The following MAP2 variants were observed in gnomAD, a reference collection of about 807,000 sequenced individuals.
MAP2 encodes the protein microtubule-associated protein 2.
In MAP2, 14 loss-of-function variants were observed where a neutral mutation model predicts 137.6. The observed-to-expected ratio is 0.10, with a 90% CI of 0.07 to 0.16. The LOEUF (loss-of-function observed/expected upper bound fraction) is 0.16, where lower values mean the gene tolerates loss of function less well. Among genes scored for constraint, MAP2 ranks in the 10% least tolerant of loss-of-function variants. MAP2 has a pLI of 1.00. For missense variants in MAP2, 2,088 were observed against 2,191.5 expected (o/e 0.95, Z 0.94); for synonymous variants, 786 against 782.3 (o/e 1.00, Z -0.08).
chr2:209,443,366 A>G (rs1574973726), intron 1 of MAP2, among the ~76,000 whole-genome samples: 2 of 151,622 alleles, frequency 1.3e-5, no homozygotes, highest in African/African-American at 2.4e-5. Flanking sequence ...AGTGCCTGGC[A>G]TATACTATGT....
chr2:209,686,889 G>A (rs1325333307), intron 7 of MAP2, among the ~76,000 whole-genome samples: 1 of 152,118 alleles, frequency 6.6e-6, no homozygotes, highest in Non-Finnish European at 1.5e-5. Context: ...CGACTCTGCA[G>A]AAATTTTTAG....
intron 1 of MAP2, among the ~76,000 whole-genome samples, chr2:209,472,049 C>G (rs1575602641): frequency 5.9e-5 from 9 of 152,166 alleles, no homozygotes; most frequent in Middle Eastern, 3.4e-3. Context: ...TTATGAACAG[C>G]TGACAATTAC....
Position 209,694,994 on chromosome 2 carries a change from G to T in MAP2, c.2824G>T (p.Asp942Tyr). Residue 942 changes from aspartate (D) to tyrosine (Y), a missense_variant, in exon 8 of 16, where the codon GAC (aspartate) becomes TAC (tyrosine). By Grantham distance (160) the Asp-to-Tyr change is radical. Coordinates refer to ENST00000682079, the MANE Select transcript of MAP2 (RefSeq NM_001375505.1). ...AGAAGCATCCGCGCATATCTCTGGTGACAAATCAGGACTGAGTAAGGAGTT... is the reference window on the plus strand; with the variant it reads ...AGAAGCATCCGCGCATATCTCTGGTTACAAATCAGGACTGAGTAAGGAGTT... ...DKEASAHISG[D>Y]KSGLSKEFDQ... 1 of 1,614,138 alleles carries T rather than the reference G, an allele frequency of 6.2e-7. No individual in the cohort carries two copies. Among genetic ancestry groups the T allele is most frequent in the South Asian group, 1.1e-5 (1 of 91,054 alleles).
At chr2:209,504,098 GAAAAAAA>G (rs770236091) in intron 1 of MAP2, among the ~76,000 whole-genome samples, 1 of 134,000 alleles carries the variant, frequency 7.5e-6, no homozygotes, top group African/African-American at 2.8e-5. Flanking sequence ...CCTGTCTCTG[GAAAAAAA>G]AAAAAAAAGA....
intron 1 of MAP2, among the ~76,000 whole-genome samples, chr2:209,447,894 C>G (rs772513849): frequency 6.6e-6 from 1 of 152,082 alleles, no homozygotes; most frequent in Non-Finnish European, 1.5e-5. Flanking sequence ...GTGGTTAACT[C>G]ATAACTTAAA....
intron 14 of MAP2, among the ~76,000 whole-genome samples, chr2:209,728,923 G>C (rs938650028): frequency 2.0e-5 from 3 of 152,214 alleles, no homozygotes; most frequent in African/African-American, 7.2e-5. Flanking sequence ...CTCTTAGGTG[G>C]TGATGAGCAA....
At chr2:209,605,789 A>C (rs911845262) in intron 3 of MAP2, among the ~76,000 whole-genome samples, 1 of 152,186 alleles carries the variant, frequency 6.6e-6, no homozygotes, top group Admixed American at 6.5e-5. Context: ...CGGCCTAACC[A>C]TGCCAGATCT....
intron 14 of MAP2, among the ~76,000 whole-genome samples, chr2:209,728,696 A>G (rs888226363): frequency 2.0e-5 from 3 of 152,154 alleles, no homozygotes; most frequent in Non-Finnish European, 4.4e-5. Context: ...AAAATTGCAA[A>G]ATCTCTTTCA....
intron 1 of MAP2, among the ~76,000 whole-genome samples, chr2:209,502,694 C>G (rs1459767243): frequency 6.6e-6 from 1 of 152,174 alleles, no homozygotes; most frequent in African/African-American, 2.4e-5. Flanking sequence ...TACCAATTTA[C>G]ATTCCCATCA....
intron 3 of MAP2, among the ~76,000 whole-genome samples, chr2:209,606,915 A>G (rs892381916): frequency 4.6e-5 from 7 of 152,204 alleles, no homozygotes; most frequent in African/African-American, 1.7e-4. Context: ...AGCATTAATG[A>G]TATTAAATAT....
chr2:209,668,520 A>G (rs1437647709), intron 5 of MAP2, among the ~76,000 whole-genome samples: 1 of 152,074 alleles, frequency 6.6e-6, no homozygotes, highest in Non-Finnish European at 1.5e-5. Flanking sequence ...ATCAATACAG[A>G]GTCTAAAAGA....
intron 2 of MAP2, among the ~76,000 whole-genome samples, chr2:209,528,789 TATATGTAC>T (rs1270852015): frequency 3.4e-5 from 5 of 148,214 alleles, no homozygotes; most frequent in African/African-American, 1.0e-4. Context: ...TATGTATGTA[TATATGTAC>T]ATGTACATAT....
chr2:209,725,889 T>A, intron 14 of MAP2, 99 bp downstream of exon 14: 2 of 639,592 alleles, frequency 3.1e-6, no homozygotes, highest in Non-Finnish European at 2.6e-6. Flanking sequence ...ATTGGAAGGA[T>A]GTTTTAAAAT....
intron 1 of MAP2, among the ~76,000 whole-genome samples, chr2:209,468,507 A>G (rs982593877): frequency 6.6e-6 from 1 of 151,534 alleles, no homozygotes; most frequent in African/African-American, 2.4e-5. Context: ...TTTTTAGTAC[A>G]GACGAGGTTT....
At chr2:209,488,460 G>C (rs917735342) in intron 1 of MAP2, among the ~76,000 whole-genome samples, 5 of 152,302 alleles carry the variant, frequency 3.3e-5, no homozygotes, top group Admixed American at 3.3e-4. Context: ...CTGGAAAGGG[G>C]GGCTGAAGCC....
intron 2 of MAP2, among the ~76,000 whole-genome samples, chr2:209,515,998 T>A (rs1028446334): frequency 6.6e-6 from 1 of 152,038 alleles, no homozygotes; most frequent in African/African-American, 2.4e-5. Flanking sequence ...TCTCATTATG[T>A]TGCCTAGGCT....
At chr2:209,598,655 A>T (rs1449323319) in intron 3 of MAP2, among the ~76,000 whole-genome samples, 2 of 143,188 alleles carry the variant, frequency 1.4e-5, no homozygotes, top group African/African-American at 5.2e-5. Context: ...TGTCCATGTG[A>T]CCTCATTGTT....
At chr2:209,615,829 C>T (rs1407589935) in intron 3 of MAP2, among the ~76,000 whole-genome samples, 1 of 152,174 alleles carries the variant, frequency 6.6e-6, no homozygotes, top group Non-Finnish European at 1.5e-5. Flanking sequence ...TTTACATATA[C>T]CTACTCTTTC....
chr2:209,610,223 G>T (rs527594704), intron 3 of MAP2, among the ~76,000 whole-genome samples: 2 of 152,152 alleles, frequency 1.3e-5, no homozygotes, highest in South Asian at 4.1e-4. Flanking sequence ...AAAGGCCCTG[G>T]CTATAGGAGC....
Sources: allele counts gnomAD v4.1 joint callset (sites outside exome capture counted in the v4.1 genomes callset), GRCh38; gene constraint gnomAD v4.1.1; transcripts MANE v1.5; gene names NCBI Gene and HGNC (gene_info 2026-07-23, HGNC 2026-07-21).